The following FAHD2B variants were observed in gnomAD, a reference collection of about 807,000 sequenced individuals.
The protein encoded by FAHD2B is fumarylacetoacetate hydrolase domain containing 2B, also known as oxaloacetate tautomerase FAHD2B, mitochondrial.
Under a neutral mutation model 33.7 loss-of-function variants are expected in FAHD2B, and 26 were observed. The ratio of observed to expected loss-of-function variants is 0.77; its 90% CI spans 0.57 to 1.07. The LOEUF (loss-of-function observed/expected upper bound fraction) is 1.07. Among genes scored for constraint, FAHD2B ranks in the 50% least tolerant of loss-of-function variants. The pLI is 0.00. For synonymous variants in FAHD2B, 108 were observed against 150.9 expected (o/e 0.72, Z 2.08); for missense variants, 272 against 388.1 (o/e 0.70, Z 2.51).
At chr2:97,091,835 C>G (rs528766834) in intron 2 of FAHD2B, 28 bp downstream of exon 2, 1 of 1,420,768 alleles carries the variant, frequency 7.0e-7, no homozygotes, top group African/African-American at 1.4e-5. Context: ...GCATACCACA[C>G]GGGAAGCGGT....
rs2031936587 is a variant in FAHD2B, at chr2:97,085,752, A to C, written c.632T>G (p.Phe211Cys). Residue 211 changes from phenylalanine (F) to cysteine (C), a missense_variant, in exon 6 of 9, where the codon TTC (phenylalanine) becomes TGC (cysteine). Physicochemically the swap from Phe to Cys is radical, Grantham distance 205 (BLOSUM62 -2). Transcript: ENST00000414820. ...NGKQWLLGKT[F>C]DTFCPLGPAL... ...AGGGCCCAGAGGGCAGAAGGTGTCG[A>C]AGGTTTTTCCCAGCAGCCACTGTTT... 4 of 1,613,692 alleles carry C rather than the reference A, an allele frequency of 2.5e-6. No individual in the cohort carries two copies. The highest frequency in any genetic ancestry group is 1.3e-5 in the African/African-American group (1 of 74,926).
At chr2:97,081,176 T>G (rs2031631578), downstream of FAHD2B, 1 of 1,480,670 alleles carries the variant, frequency 6.8e-7, no homozygotes, top group African/African-American at 1.4e-5. Flanking sequence ...ATATTGCTGC[T>G]GAGCCAGAAT....
downstream of FAHD2B, chr2:97,081,378 C>A (rs979507777): frequency 9.0e-6 from 14 of 1,559,096 alleles, no homozygotes; most frequent in Non-Finnish European, 1.1e-5. Context: ...CGGTCTTTGG[C>A]TAGGCCCCTG....
At chr2:97,083,373 A>G, downstream of FAHD2B, 1 of 1,478,226 alleles carries the variant, frequency 6.8e-7, no homozygotes, top group East Asian at 2.4e-5. Context: ...AAATATAATC[A>G]TTGAGGCTTG....
intron 4 of FAHD2B, among the ~76,000 whole-genome samples, chr2:97,088,965 T>C (rs1217811469): frequency 6.6e-6 from 1 of 151,998 alleles, no homozygotes; most frequent in Non-Finnish European, 1.5e-5. Flanking sequence ...AGAAAGCAAA[T>C]ACAGCAAATG....
In FAHD2B at chr2:97,084,029, A is replaced by G; in HGVS notation, c.801T>C (p.Val267=). The change falls in exon 8 of 9, where the codon GTT becomes GTC. Residue 267 remains valine, a synonymous_variant. Transcript: ENST00000414820. ...EDLIAWVSQF[V]TFYPGDVILT... ...GGATGACATCCCCTGGGTAAAAGGTAACAAACCTGGAGCAAAGCAAAAGGA... is the reference window on the plus strand; with the variant it reads ...GGATGACATCCCCTGGGTAAAAGGTGACAAACCTGGAGCAAAGCAAAAGGA... The G allele has an allele frequency of 6.2e-7, 1 of 1,613,692 alleles. No individual in the cohort carries two copies. Among genetic ancestry groups the G allele is most frequent in the Non-Finnish European group, 8.5e-7 (1 of 1,179,916 alleles).
At chr2:97,090,454 C>G (rs1257534273) in intron 3 of FAHD2B, 129 bp from the exon 4 acceptor site, 2 of 1,458,220 alleles carry the variant, frequency 1.4e-6, no homozygotes, top group Non-Finnish European at 1.8e-6. Flanking sequence ...TATCAACCAT[C>G]AGAGTCAGTG....
At chr2:97,088,983 T>C (rs958752796) in intron 4 of FAHD2B, among the ~76,000 whole-genome samples, 1 of 152,014 alleles carries the variant, frequency 6.6e-6, no homozygotes, top group African/African-American at 2.4e-5. Context: ...ATGTCTACAG[T>C]GAAACCAGGT....
intron 5 of FAHD2B, 91 bp downstream of exon 5, chr2:97,086,048 C>A: frequency 7.0e-7 from 1 of 1,430,666 alleles, no homozygotes; most frequent in East Asian, 2.3e-5. Context: ...CAGCTGGTGC[C>A]GTGTGTCGGT....
chr2:97,087,089 T>C (rs2032036795), intron 4 of FAHD2B: 1 of 151,862 alleles, frequency 6.6e-6, no homozygotes, highest in Admixed American at 6.6e-5. Flanking sequence ...TCTCACTCTG[T>C]TGCCCAGGCT....
At chr2:97,089,499 CAGAG>C (rs922275055) in intron 4 of FAHD2B, among the ~76,000 whole-genome samples, 1 of 88,796 alleles carries the variant, frequency 1.1e-5, no homozygotes, top group African/African-American at 4.3e-5. Context: ...AGCCTGGCAA[CAGAG>C]AAAGACTCTG....
downstream of FAHD2B, chr2:97,081,271 A>T: frequency 1.4e-6 from 2 of 1,467,184 alleles, no homozygotes; most frequent in Non-Finnish European, 1.8e-6. Flanking sequence ...CCTACGGCCC[A>T]CTTGGTCCTA....
At chr2:97,084,304 G>C in intron 6 of FAHD2B, 27 bp from the exon 7 acceptor site, 2 of 1,611,598 alleles carry the variant, frequency 1.2e-6, no homozygotes, top group Non-Finnish European at 8.5e-7. Context: ...GAACCTTGGA[G>C]TTATCCCTTT....
At chr2:97,079,312 GTTAT>G (rs1351424904), downstream of FAHD2B, among the ~76,000 whole-genome samples, 1 of 152,088 alleles carries the variant, frequency 6.6e-6, no homozygotes, top group East Asian at 1.9e-4. Context: ...TTGGGTGAAT[GTTAT>G]TTATTTCTCT....
chr2:97,084,027 G>A lies in FAHD2B; in HGVS notation c.803C>T (p.Thr268Ile). 1 of 1,613,686 alleles carries A rather than the reference G, an allele frequency of 6.2e-7. No individual in the cohort carries two copies. The change falls in exon 8 of 9, where the codon ACC becomes ATC. Residue 268 changes from threonine to isoleucine, a missense_variant. Coordinates refer to ENST00000414820, the MANE Select transcript of FAHD2B (RefSeq NM_001320848.2). Reference sequence around the variant, plus strand: ...TAGGATGACATCCCCTGGGTAAAAGGTAACAAACCTGGAGCAAAGCAAAAG... The same window carrying A: ...TAGGATGACATCCCCTGGGTAAAAGATAACAAACCTGGAGCAAAGCAAAAG... ...DLIAWVSQFV[T>I]FYPGDVILTG...
At position 97,091,459 on chromosome 2, in the gene FAHD2B, T is replaced by C. The variant is rs1280106976; in HGVS notation, c.245+3A>G. On this transcript the variant is annotated splice_donor_region_variant and intron_variant, in intron 3 of 8. Transcript: ENST00000414820. ...TTCAGGGCGATGCTGCCCACTTACT[T>C]ACCTTCTTGCCACTGAGAGGGTGGC... 1 of 1,607,218 alleles carries C rather than the reference T, an allele frequency of 6.2e-7. No individual in the cohort carries two copies. Among genetic ancestry groups the C allele is most frequent in the Non-Finnish European group, 8.5e-7 (1 of 1,177,010 alleles).
chr2:97,089,211 C>T (rs2032179777), intron 4 of FAHD2B, among the ~76,000 whole-genome samples: 1 of 151,856 alleles, frequency 6.6e-6, no homozygotes, highest in Admixed American at 6.6e-5. Flanking sequence ...TATTCAAATC[C>T]TAAGAGTTCA....
chr2:97,086,761 C>T (rs2032015849), intron 4 of FAHD2B: 1 of 154,282 alleles, frequency 6.5e-6, no homozygotes, highest in Admixed American at 6.4e-5. Context: ...CTAATAATAA[C>T]CAGAGTTGGT....
Position 97,088,643 on chromosome 2 carries a change from G to T in FAHD2B, c.462+1466C>A, listed in dbSNP as rs1964493. On this transcript the variant is annotated intron_variant, in intron 4 of 8. Transcript: ENST00000414820. The stretch of plus-strand genomic sequence containing the variant: ...AAAACAGACTAATACAGCCCTTTAA[G>T]AAAAAGTCTATGGAACCCTGTTCTA... Among the ~76,000 whole-genome samples the T allele has an allele frequency of 5.6e-3, 764 of 136,424 alleles. 47 individuals are homozygous for T. The highest frequency in any genetic ancestry group is 0.051 in the Admixed American group (671 of 13,268). The allele number at this position is 136,424 out of a possible 152,430, so 89.5% of individuals were successfully genotyped here. A position where few individuals can be genotyped will look rare whatever the true frequency, so the allele number is the denominator to read the frequency against.
Sources: allele counts gnomAD v4.1 joint callset (sites outside exome capture counted in the v4.1 genomes callset), GRCh38; gene constraint gnomAD v4.1.1; transcripts MANE v1.5; gene names NCBI Gene and HGNC (gene_info 2026-07-23, HGNC 2026-07-21).